The following ITGB8 variants were observed in gnomAD, a reference collection of about 807,000 sequenced individuals.
ITGB8 encodes the protein integrin subunit beta 8, also known as integrin beta-8.
A neutral mutation model predicts 89.5 loss-of-function variants in ITGB8; 30 were observed. That is an observed-to-expected ratio of 0.34 (90% CI 0.25 to 0.45). The LOEUF (loss-of-function observed/expected upper bound fraction) is 0.45. Ranked by LOEUF, ITGB8 falls within the 20% of genes least tolerant of loss-of-function variation. The pLI is 1.00. For synonymous variants in ITGB8, 335 were observed against 320.4 expected (o/e 1.05, Z -0.49); for missense variants, 836 against 933.3 (o/e 0.90, Z 1.36).
At chr7:20,373,717 C>A (rs1384163789) in intron 3 of ITGB8, among the ~76,000 whole-genome samples, 2 of 152,166 alleles carry the variant, frequency 1.3e-5, no homozygotes, top group Admixed American at 6.5e-5. Context: ...CATTTGGGGG[C>A]CCTTCTCCTT....
At chr7:20,370,707 T>A (rs1785900019) in intron 3 of ITGB8, among the ~76,000 whole-genome samples, 1 of 151,914 alleles carries the variant, frequency 6.6e-6, no homozygotes, top group African/African-American at 2.4e-5. Context: ...GCCTCCTGGG[T>A]TCAAGTAATT....
In ITGB8 at chr7:20,412,968, C is replaced by T. The variant is rs535086406; in HGVS notation, c.*2971C>T. 2 of 152,600 alleles carry T rather than the reference C, an allele frequency of 1.3e-5. No individual in the cohort carries two copies. The highest frequency in any genetic ancestry group is 4.8e-5 in the African/African-American group (2 of 41,562). The allele number at this position is 152,600 out of a possible 1,614,324, so 9.5% of individuals were successfully genotyped here. ...TTAACAGAATTGAGAACTTGAACAA[C>T]ACTTTTAGTACTGCAGCATTTTTGT... is the stretch of plus-strand genomic sequence containing the variant. On this transcript the variant is annotated 3_prime_UTR_variant, in exon 14 of 14. Transcript: ENST00000222573.
At chr7:20,362,726 C>T (rs544753967) in intron 1 of ITGB8, among the ~76,000 whole-genome samples, 6 of 152,266 alleles carry the variant, frequency 3.9e-5, no homozygotes, top group Admixed American at 3.9e-4. Flanking sequence ...GTCCTTAGAA[C>T]ATCTTATGTT....
At chr7:20,383,943 G>A (rs1786505460) in intron 6 of ITGB8, among the ~76,000 whole-genome samples, 3 of 152,046 alleles carry the variant, frequency 2.0e-5, no homozygotes. Context: ...TTTACCCCAG[G>A]TCTTTGTTTT....
chr7:20,330,147 G>T (rs989912868), upstream of ITGB8, among the ~76,000 whole-genome samples: 4 of 152,202 alleles, frequency 2.6e-5, no homozygotes, highest in African/African-American at 9.7e-5. Context: ...GTCCAGTCCA[G>T]GGTTAAGGTT....
chr7:20,331,590 T>C lies in ITGB8; in HGVS notation c.-217T>C. ...CTCGCGGAGACCGCGGGACCCGCCGTGCCGAGCCGGGAGGGCCGCAGGGGC... is the reference window on the plus strand; with the variant it reads ...CTCGCGGAGACCGCGGGACCCGCCGCGCCGAGCCGGGAGGGCCGCAGGGGC... On this transcript the variant is annotated 5_prime_UTR_variant, in exon 1 of 14. Transcript: ENST00000222573. The C allele has an allele frequency of 2.1e-6, 1 of 483,280 alleles. No homozygotes were observed. The highest frequency in any genetic ancestry group is 3.5e-6 in the Non-Finnish European group (1 of 289,750). 29.9% of individuals were successfully genotyped at this position (483,280 alleles called of 1,614,324 possible). A position where few individuals can be genotyped will look rare whatever the true frequency, so the allele number is the denominator to read the frequency against.
At chr7:20,340,455 A>ATTAGG (rs1784720031) in intron 1 of ITGB8, among the ~76,000 whole-genome samples, 2 of 152,202 alleles carry the variant, frequency 1.3e-5, no homozygotes, top group African/African-American at 4.8e-5. Flanking sequence ...ACTGTACCAA[A>ATTAGG]TATGTCATAT....
At chr7:20,389,408 A>G (rs577564814) in intron 6 of ITGB8, among the ~76,000 whole-genome samples, 1 of 152,288 alleles carries the variant, frequency 6.6e-6, no homozygotes, top group East Asian at 1.9e-4. Flanking sequence ...TTCTGACCAA[A>G]CTAGAACTTT....
intron 6 of ITGB8, among the ~76,000 whole-genome samples, chr7:20,383,212 C>A (rs377263351): frequency 7.6e-4 from 115 of 152,212 alleles, no homozygotes; most frequent in African/African-American, 2.6e-3. Flanking sequence ...AATTGTATTA[C>A]CATATGAAAC....
At chr7:20,394,052 C>T (rs1040972503) in intron 7 of ITGB8, among the ~76,000 whole-genome samples, 2 of 152,180 alleles carry the variant, frequency 1.3e-5, no homozygotes, top group African/African-American at 4.8e-5. Context: ...CAATAAAAGT[C>T]TAATAAATGA....
chr7:20,402,991 T>C (rs925944838), intron 10 of ITGB8, among the ~76,000 whole-genome samples: 9 of 152,242 alleles, frequency 5.9e-5, no homozygotes, highest in Admixed American at 2.6e-4. Flanking sequence ...ATTTGCATTT[T>C]AGTAAATAAA....
intron 9 of ITGB8, among the ~76,000 whole-genome samples, chr7:20,399,512 G>T (rs1272998994): frequency 6.6e-6 from 1 of 151,484 alleles, no homozygotes; most frequent in Admixed American, 6.6e-5. Context: ...TTATCTAGAA[G>T]GAGGTAGGGA....
chr7:20,406,083 C>G lies in ITGB8; in HGVS notation c.1935C>G (p.His645Gln), dbSNP rs375280352. The change falls in exon 12 of 14, where the codon CAC (histidine) becomes CAG (glutamine). Residue 645 changes from histidine (H) to glutamine (Q), a missense_variant. Physicochemically the swap from His to Gln is conservative, Grantham distance 24 (BLOSUM62 0). Around this residue, in one of 5 missense-constraint regions of ITGB8, gnomAD observed 422 missense variants for 416.9 expected, o/e 1.01. Coordinates refer to ENST00000222573, the MANE Select transcript of ITGB8 (RefSeq NM_002214.3). ...GCAGGAATTGTATGCAATGCCTTCACCCTCACAATTTGTCTCAGGCTATAC... is the reference window on the plus strand; with the variant it reads ...GCAGGAATTGTATGCAATGCCTTCAGCCTCACAATTTGTCTCAGGCTATAC... The part of the protein sequence containing the change: ...KENWNCMQCL[H>Q]PHNLSQAILD... The G allele has an allele frequency of 1.9e-6, 3 of 1,608,800 alleles. No homozygotes were observed. In the Admixed American group the frequency reaches 5.0e-5, roughly 27 times the overall value.
At chr7:20,396,801 T>C (rs951565303) in intron 8 of ITGB8, among the ~76,000 whole-genome samples, 5 of 152,228 alleles carry the variant, frequency 3.3e-5, no homozygotes, top group African/African-American at 1.2e-4. Flanking sequence ...TGTGTCAGAC[T>C]GCCCCAGTGG....
intron 1 of ITGB8, among the ~76,000 whole-genome samples, chr7:20,339,687 A>AT (rs1190135358): frequency 6.6e-6 from 1 of 152,198 alleles, no homozygotes; most frequent in Non-Finnish European, 1.5e-5. Flanking sequence ...TTTTAAGATG[A>AT]TTTTTAAAGA....
Position 20,332,153 on chromosome 7 carries a change from G to A in ITGB8, c.127+220G>A, listed in dbSNP as rs1228154496. ...ACAGCAAGGACTAATTATCAGAGGA[G>A]ACACTCTGTGTTACTCCTAGGTGTT... On this transcript the variant is annotated intron_variant, in intron 1 of 13. Coordinates refer to ENST00000222573, the MANE Select transcript of ITGB8 (RefSeq NM_002214.3). The A allele has an allele frequency of 4.8e-6, 5 of 1,036,462 alleles. No homozygotes were observed. In the African/African-American group the frequency reaches 6.5e-5, roughly 13 times the overall value. 64.2% of individuals were successfully genotyped at this position (1,036,462 alleles called of 1,614,324 possible).
intron 6 of ITGB8, among the ~76,000 whole-genome samples, chr7:20,387,705 C>T (rs1786684881): frequency 6.6e-6 from 1 of 152,136 alleles, no homozygotes; most frequent in South Asian, 2.1e-4. Flanking sequence ...CACAGGACAG[C>T]CCCTTTGTCA....
chr7:20,339,147 G>A (rs762591503), intron 1 of ITGB8, among the ~76,000 whole-genome samples: 12 of 149,490 alleles, frequency 8.0e-5, no homozygotes, highest in Admixed American at 3.3e-4. Context: ...AGCCGAGATC[G>A]TGCCATTGCT....
At chr7:20,350,478 A>G (rs1785078402) in intron 1 of ITGB8, among the ~76,000 whole-genome samples, 1 of 152,162 alleles carries the variant, frequency 6.6e-6, no homozygotes, top group Non-Finnish European at 1.5e-5. Context: ...AATCTTTCCT[A>G]TTATAAACTG....
Sources: gnomAD v4.1 joint callset for allele counts (sites outside exome capture counted in the v4.1 genomes callset) on GRCh38, gnomAD v4.1.1 for gene constraint, gnomAD v4.1.1 regional missense constraint, MANE v1.5 for transcripts, NCBI Gene and HGNC (gene_info 2026-07-23, HGNC 2026-07-21) for gene names.